The following SHANK2 variants were observed in gnomAD, a reference collection of about 807,000 sequenced individuals.
SHANK2 encodes the protein SH3 and multiple ankyrin repeat domains protein 2.
A neutral mutation model predicts 133.7 loss-of-function variants in SHANK2; 43 were observed. The observed-to-expected ratio is 0.32, with a 90% CI of 0.25 to 0.41. The LOEUF is 0.41. Ranked by LOEUF, SHANK2 falls within the 10% of genes least tolerant of loss-of-function variation. The pLI is 1.00. For synonymous variants in SHANK2, 1,017 were observed against 952.8 expected (o/e 1.07, Z -1.24); for missense variants, 1,994 against 2,235.8 (o/e 0.89, Z 2.18).
At chr11:71,252,703 A>G (rs1418774279), upstream of SHANK2, 1 of 149,046 alleles carries the variant, frequency 6.7e-6, no homozygotes, top group African/African-American at 2.5e-5. This position sits in a 1 kb window ranked among gnomAD's most constrained non-coding sequence, Gnocchi z 6.3. Flanking sequence ...ACCCCCGCCC[A>G]CGCCGCGGAC....
chr11:71,097,307 G>T (rs561807383), intron 6 of SHANK2, among the ~76,000 whole-genome samples: 1 of 152,092 alleles, frequency 6.6e-6, no homozygotes, highest in Non-Finnish European at 1.5e-5. Flanking sequence ...GAAGATGCTG[G>T]TTGATGAGCT....
intron 2 of SHANK2, among the ~76,000 whole-genome samples, chr11:71,195,621 A>G (rs1286075394): frequency 4.6e-5 from 7 of 152,216 alleles, no homozygotes; most frequent in Non-Finnish European, 8.8e-5. Flanking sequence ...TCAGGAATTC[A>G]GGTTTGTAAA....
At chr11:70,648,719 C>T (rs1247380838) in intron 17 of SHANK2, among the ~76,000 whole-genome samples, 1 of 152,200 alleles carries the variant, frequency 6.6e-6, no homozygotes, top group South Asian at 2.1e-4. Context: ...CCCTCCACCT[C>T]CATCAGCTTT....
At chr11:71,173,789 G>C (rs1016505253) in intron 2 of SHANK2, among the ~76,000 whole-genome samples, 1 of 152,198 alleles carries the variant, frequency 6.6e-6, no homozygotes, top group Non-Finnish European at 1.5e-5. Flanking sequence ...TTATAAGGAG[G>C]GGAAATGATA....
chr11:70,864,026 C>A (rs1281483982), intron 11 of SHANK2: 2 of 370,560 alleles, frequency 5.4e-6, no homozygotes, highest in Non-Finnish European at 1.1e-5. Context: ...CCTCCCCTGT[C>A]CTGGCCCCTC....
intron 14 of SHANK2, among the ~76,000 whole-genome samples, chr11:70,714,809 A>G (rs1945873104): frequency 6.6e-6 from 1 of 151,386 alleles, no homozygotes. Context: ...TACCTGTAGC[A>G]TTTCTGTCTT....
chr11:71,234,183 TAAAAAAAAAAAA>T (rs71049965), intron 1 of SHANK2, among the ~76,000 whole-genome samples: 2 of 35,472 alleles, frequency 5.6e-5, no homozygotes, highest in Non-Finnish European at 4.6e-5. Flanking sequence ...CCCTCTCTAC[TAAAAAAAAAAAA>T]AAAAAAAAAA....
chr11:70,525,294 G>A (rs539498368), intron 17 of SHANK2, among the ~76,000 whole-genome samples: 109 of 152,312 alleles, frequency 7.2e-4, no homozygotes, highest in Non-Finnish European at 1.1e-3. Flanking sequence ...GGCTTGCCCA[G>A]CTAGGTCACT....
At chr11:70,649,922 G>A (rs2099457263) in intron 17 of SHANK2, among the ~76,000 whole-genome samples, 1 of 152,224 alleles carries the variant, frequency 6.6e-6, no homozygotes, top group South Asian at 2.1e-4. Flanking sequence ...GGAGGGCCCT[G>A]GGCAGGCTTC....
chr11:70,677,759 T>C (rs1009535162), intron 15 of SHANK2, among the ~76,000 whole-genome samples: 5 of 152,198 alleles, frequency 3.3e-5, no homozygotes, highest in South Asian at 2.1e-4. Flanking sequence ...GAGCCCGAGA[T>C]GCCCACTCCC....
chr11:70,835,238 T>A (rs1948794955), intron 11 of SHANK2, among the ~76,000 whole-genome samples: 1 of 152,158 alleles, frequency 6.6e-6, no homozygotes, highest in South Asian at 2.1e-4. Context: ...TGCAATGGCT[T>A]ACGGGCAGCA....
intron 25 of SHANK2, among the ~76,000 whole-genome samples, chr11:70,475,764 C>T (rs2058655058): frequency 6.6e-6 from 1 of 152,194 alleles, no homozygotes; most frequent in Non-Finnish European, 1.5e-5. Context: ...GGGCTGGGTG[C>T]CCCTGAGTGG....
At chr11:70,886,301 G>C (rs1370926286) in intron 11 of SHANK2, among the ~76,000 whole-genome samples, 1 of 152,170 alleles carries the variant, frequency 6.6e-6, no homozygotes, top group Non-Finnish European at 1.5e-5. Context: ...ATGGGAATCT[G>C]GTCAACAGCT....
At chr11:71,249,038 C>T (rs1555125437) in intron 1 of SHANK2, among the ~76,000 whole-genome samples, 1 of 152,182 alleles carries the variant, frequency 6.6e-6, no homozygotes, top group African/African-American at 2.4e-5. Flanking sequence ...CCCTAGATAT[C>T]CTCTGACCAT....
intron 25 of SHANK2, among the ~76,000 whole-genome samples, chr11:70,481,579 G>A (rs1204145162): frequency 3.3e-5 from 5 of 152,202 alleles, no homozygotes; most frequent in African/African-American, 4.8e-5. Flanking sequence ...GTCAAAACTT[G>A]TTTCTATGGA....
In SHANK2 at chr11:70,472,956, C is replaced by T; in HGVS notation, c.5463G>A (p.Gln1821=). The change falls in exon 26 of 26, where the codon CAG becomes CAA. Residue 1821 remains glutamine, a synonymous_variant. Transcript: ENST00000601538. The surrounding 1 kb of genome is among the most constrained non-coding windows in gnomAD (Gnocchi z 4.4). ...CCCCAAGATCGATGAGGTCCTCCTT[C>T]TGCAGGTTTGGTAAGTGACTGCCAT... ...EIDGSHLPNL[Q]KEDLIDLGVT... The T allele has an allele frequency of 2.5e-6, 4 of 1,614,262 alleles. No individual in the cohort carries two copies. Among genetic ancestry groups the T allele is most frequent in the Non-Finnish European group, 3.4e-6 (4 of 1,180,058 alleles).
At chr11:70,533,203 A>G (rs1248884902) in intron 17 of SHANK2, among the ~76,000 whole-genome samples, 1 of 152,172 alleles carries the variant, frequency 6.6e-6, no homozygotes, top group Non-Finnish European at 1.5e-5. Flanking sequence ...GTCGAATATC[A>G]CTGTACACTT....
intron 3 of SHANK2, among the ~76,000 whole-genome samples, chr11:71,131,517 C>T (rs1952307453): frequency 6.6e-6 from 1 of 152,186 alleles, no homozygotes; most frequent in Non-Finnish European, 1.5e-5. Flanking sequence ...GGTGGGCAGA[C>T]TGTATCTCCA....
intron 11 of SHANK2, among the ~76,000 whole-genome samples, chr11:70,878,558 A>AT (rs1189183075): frequency 6.6e-6 from 1 of 152,188 alleles, no homozygotes; most frequent in Non-Finnish European, 1.5e-5. Context: ...GACCCTGCCT[A>AT]TTAAGCCAAT....
Sources: allele counts gnomAD v4.1 joint callset (sites outside exome capture counted in the v4.1 genomes callset), GRCh38; gene constraint gnomAD v4.1.1; non-coding constraint Gnocchi (gnomAD v3.1); transcripts MANE v1.5; gene names NCBI Gene and HGNC (gene_info 2026-07-23, HGNC 2026-07-21).